Variants in RNF138 observed in about 807,000 individuals in gnomAD.
RNF138 encodes the protein ring finger protein 138.
Under a neutral mutation model 31.0 loss-of-function variants are expected in RNF138, and 12 were observed. The observed-to-expected ratio is 0.39, with a 90% CI of 0.25 to 0.63. RNF138 has a LOEUF of 0.63. Ranked by LOEUF, RNF138 falls within the 20% of genes least tolerant of loss-of-function variation. The probability of loss-of-function intolerance (pLI) is 0.52; values close to 1 mark genes in which losing one functional copy is unlikely to be tolerated. For missense variants in RNF138, 192 were observed against 300.1 expected (o/e 0.64, Z 2.66); for synonymous variants, 105 against 99.5 (o/e 1.06, Z -0.33).
intron 2 of RNF138, among the ~76,000 whole-genome samples, chr18:32,099,653 G>C (rs1487805425): frequency 6.6e-6 from 1 of 152,076 alleles, no homozygotes; most frequent in African/African-American, 2.4e-5. Flanking sequence ...GATCTGCCCC[G>C]CCTCGGCCTC....
At chr18:32,092,625 A>C in intron 1 of RNF138, 75 bp from the exon 2 acceptor site, 1 of 638,524 alleles carries the variant, frequency 1.6e-6, no homozygotes, top group Admixed American at 2.3e-5. Context: ...GCCCCGCCCT[A>C]CCCAGGGCCC....
chr18:32,092,594 G>A, intron 1 of RNF138, 106 bp from the exon 2 acceptor site: 1 of 589,190 alleles, frequency 1.7e-6, no homozygotes, highest in South Asian at 2.0e-5. Flanking sequence ...GGCGCGTGCG[G>A]CAGTAGCGTC....
Position 32,113,870 on chromosome 18 carries a change from A to G in RNF138, c.392+10A>G. 8.2e-7 allele frequency: 1 copy of G among 1,222,274 alleles called. No individual in the cohort carries two copies. Among genetic ancestry groups the G allele is most frequent in the Non-Finnish European group, 1.2e-6 (1 of 855,786 alleles). The allele number at this position is 1,222,274 out of a possible 1,614,324, so 75.7% of individuals were successfully genotyped here. ...ATTCAGTAGGGAACAGGTAAGCAAT[A>G]CTTATTCCTAAATACAGAATTTTCA... On this transcript the variant is annotated intron_variant, in intron 4 of 7. Coordinates refer to ENST00000261593, the MANE Select transcript of RNF138 (RefSeq NM_016271.5).
chr18:32,100,885 C>G (rs2039926080), intron 2 of RNF138, among the ~76,000 whole-genome samples: 1 of 152,130 alleles, frequency 6.6e-6, no homozygotes, highest in Non-Finnish European at 1.5e-5. Flanking sequence ...GATCACAGGC[C>G]TGAGCCACTG....
chr18:32,103,822 C>T (rs971062220), intron 2 of RNF138, among the ~76,000 whole-genome samples: 7 of 149,630 alleles, frequency 4.7e-5, no homozygotes, highest in South Asian at 2.1e-4. Context: ...AAAAATTAGC[C>T]GGGCGCGGTG....
At position 32,124,558 on chromosome 18, in the gene RNF138, G is replaced by A. The variant is rs180850310; in HGVS notation, c.450-176G>A. ...ACTAAGAGTACTGTAAACTGAGATT[G>A]GGAACCTCTGTAATGCATCATTTCC... On this transcript the variant is annotated intron_variant, in intron 5 of 7. Transcript: ENST00000261593. 123 of 539,394 alleles carry A rather than the reference G, an allele frequency of 2.3e-4. 1 individual carries two copies. The highest frequency in any genetic ancestry group is 5.1e-4 in the Middle Eastern group (1 of 1,966). The allele number at this position is 539,394 out of a possible 1,614,324, so 33.4% of individuals were successfully genotyped here.
chr18:32,102,226 G>A lies in RNF138; in HGVS notation c.110+9340G>A, dbSNP rs558083331. ...TTTTTTTTTTTTTTTTTTTGAGACG[G>A]AGTCTTGTTCTGTCACCCAGGCTGG... On this transcript the variant is annotated intron_variant, in intron 2 of 7. Coordinates refer to ENST00000261593, the MANE Select transcript of RNF138 (RefSeq NM_016271.5). Among the ~76,000 whole-genome samples the A allele has an allele frequency of 1.5e-3, 201 of 130,582 alleles. 1 individual carries two copies. The highest frequency in any genetic ancestry group is 5.7e-3 in the African/African-American group (195 of 34,114). 85.7% of individuals were successfully genotyped at this position (130,582 alleles called of 152,430 possible).
chr18:32,128,208 G>A (rs145673372), intron 7 of RNF138, among the ~76,000 whole-genome samples: 66 of 152,266 alleles, frequency 4.3e-4, no homozygotes, highest in African/African-American at 1.5e-3. Context: ...GTTTTATAAC[G>A]ATTGAATAAG....
chr18:32,105,967 CA>C (rs901326871), intron 2 of RNF138, among the ~76,000 whole-genome samples: 1 of 152,192 alleles, frequency 6.6e-6, no homozygotes, highest in Non-Finnish European at 1.5e-5. Context: ...CACTATGACA[CA>C]AGGTGCCCAA....
In RNF138 at chr18:32,131,289, T is replaced by C. The variant is rs1359198942; in HGVS notation, c.*2102T>C. ...TGAGAATTTCTCAGTATGAAAATGA[T>C]TGTTTAAAATTTCCCCTCTTTTTGT... On this transcript the variant is annotated 3_prime_UTR_variant, in exon 8 of 8. Coordinates refer to ENST00000261593, the MANE Select transcript of RNF138 (RefSeq NM_016271.5). The C allele has an allele frequency of 1.3e-5, 2 of 151,584 alleles. No homozygotes were observed. The highest frequency in any genetic ancestry group is 2.9e-5 in the Non-Finnish European group (2 of 67,866). 9.4% of individuals were successfully genotyped at this position (151,584 alleles called of 1,614,324 possible).
intron 2 of RNF138, among the ~76,000 whole-genome samples, chr18:32,110,981 C>T (rs369595892): frequency 5.3e-5 from 8 of 152,240 alleles, no homozygotes; most frequent in South Asian, 2.1e-4. Context: ...GAGATTTCAC[C>T]GTGGTAGCCA....
chr18:32,109,025 G>T (rs1326853193), intron 2 of RNF138, among the ~76,000 whole-genome samples: 1 of 152,104 alleles, frequency 6.6e-6, no homozygotes, highest in African/African-American at 2.4e-5. Context: ...CGCTCTAATG[G>T]ATATTGCCAC....
chr18:32,125,668 C>T (rs1377847176), intron 6 of RNF138, among the ~76,000 whole-genome samples: 1 of 152,158 alleles, frequency 6.6e-6, no homozygotes, highest in Non-Finnish European at 1.5e-5. Flanking sequence ...CACGGTGGCT[C>T]ATGCCTGTAA....
intron 2 of RNF138, among the ~76,000 whole-genome samples, chr18:32,105,689 A>G (rs1003447461): frequency 4.6e-5 from 7 of 152,352 alleles, no homozygotes; most frequent in South Asian, 2.1e-4. Flanking sequence ...GGAATTCTTA[A>G]GACTGCAAAA....
chr18:32,116,765 A>G (rs2040223551), intron 4 of RNF138, among the ~76,000 whole-genome samples: 1 of 152,036 alleles, frequency 6.6e-6, no homozygotes, highest in African/African-American at 2.4e-5. Flanking sequence ...TGTTAAACAC[A>G]TTGAGATGGG....
intron 4 of RNF138, among the ~76,000 whole-genome samples, chr18:32,120,422 A>C (rs1388838113): frequency 6.6e-6 from 1 of 152,248 alleles, no homozygotes; most frequent in African/African-American, 2.4e-5. Flanking sequence ...GCAGTAAACC[A>C]AGTGTGATAT....
rs565480230 is a variant in RNF138 at position 32,105,592 on chromosome 18, A to C, written c.111-6162A>C. 3.3e-5 allele frequency among the ~76,000 whole-genome samples: 5 copies of C among 152,364 alleles called. No homozygotes were observed. In the East Asian group the frequency reaches 9.6e-4, roughly 29 times the overall value. ...ATCTCTGCTGTGTGCTATACATGATAATATTTCCAGATGGATTGAAAACTT... is the reference window on the plus strand; with the variant it reads ...ATCTCTGCTGTGTGCTATACATGATCATATTTCCAGATGGATTGAAAACTT... On this transcript the variant is annotated intron_variant, in intron 2 of 7. Transcript: ENST00000261593.
At chr18:32,116,018 C>CT (rs914933911) in intron 4 of RNF138, among the ~76,000 whole-genome samples, 1 of 152,156 alleles carries the variant, frequency 6.6e-6, no homozygotes, top group Non-Finnish European at 1.5e-5. Flanking sequence ...TGTCAAGAAA[C>CT]TGCCTCAGTT....
Position 32,125,121 on chromosome 18 carries a change from A to G in RNF138, c.561+276A>G, listed in dbSNP as rs12963443. On this transcript the variant is annotated intron_variant, in intron 6 of 7. Coordinates refer to ENST00000261593, the MANE Select transcript of RNF138 (RefSeq NM_016271.5). ...GTAATGAAAGATGAACCGGGAACTC[A>G]TTCCTGCGCAGTAGCACAACCTGTC... The G allele has an allele frequency of 8.9e-3, 2,396 of 270,536 alleles. 15 individuals are homozygous for G. Among genetic ancestry groups the G allele is most frequent in the Non-Finnish European group, 0.013 (1,785 of 139,870 alleles). 16.8% of individuals were successfully genotyped at this position (270,536 alleles called of 1,614,324 possible).
Sources: allele counts gnomAD v4.1 joint callset (sites outside exome capture counted in the v4.1 genomes callset), GRCh38; gene constraint gnomAD v4.1.1; transcripts MANE v1.5; gene names NCBI Gene and HGNC (gene_info 2026-07-23, HGNC 2026-07-21).